The following EPS8L2 variants were observed in gnomAD, a reference collection of about 807,000 sequenced individuals.
EPS8L2 encodes the protein EPS8 signaling adaptor L2, also known as epidermal growth factor receptor kinase substrate 8-like protein 2.
In EPS8L2, 81 loss-of-function variants were observed where a neutral mutation model predicts 99.4. The ratio of observed to expected loss-of-function variants is 0.82; its 90% CI spans 0.68 to 0.98. The LOEUF is 0.98. EPS8L2 is among the 50% of genes least tolerant of loss of function. The pLI is 0.00. For missense variants in EPS8L2, 1,155 were observed against 968.8 expected, an observed-to-expected ratio of 1.19 and a Z score of -2.55; for synonymous variants, 509 against 407.3, an observed-to-expected ratio of 1.25 and a Z score of -3.01.
chr11:726,282 C>G, intron 18 of EPS8L2, 22 bp from the exon 19 acceptor site: 1 of 1,590,496 alleles, frequency 6.3e-7, no homozygotes. Context: ...CAGCGGCGGG[C>G]CTGAGTCGCG....
In EPS8L2 at chr11:725,836, C is replaced by A; in HGVS notation, c.1669C>A (p.Pro557Thr). 1 of 1,384,820 alleles carries A rather than the reference C, an allele frequency of 7.2e-7. No individual in the cohort carries two copies. The highest frequency in any genetic ancestry group is 9.3e-7 in the Non-Finnish European group (1 of 1,074,990). 85.8% of individuals were successfully genotyped at this position (1,384,820 alleles called of 1,614,324 possible). A position where few individuals can be genotyped will look rare whatever the true frequency, so the allele number is the denominator to read the frequency against. The stretch of plus-strand genomic sequence containing the variant: ...GGCGCGACCGGAGGACGCCGGCGCC[C>A]CGTTCGAGCAGGTGAGCCCGCGGGG... ...GEARPEDAGA[P>T]FEQAGQKYWG... Residue 557 changes from proline (P) to threonine (T), a missense_variant, in exon 17 of 21, where the codon CCG (proline) becomes ACG (threonine). Physicochemically the swap from Pro to Thr is conservative, Grantham distance 38. Coordinates refer to ENST00000318562, the MANE Select transcript of EPS8L2 (RefSeq NM_022772.4).
intron 18 of EPS8L2, 21 bp downstream of exon 18, chr11:726,191 G>A: frequency 6.2e-7 from 1 of 1,600,460 alleles, no homozygotes; most frequent in Non-Finnish European, 8.5e-7. Context: ...CTGCTTCGAG[G>A]CGGGGGTCCC....
rs118059658 is a variant in EPS8L2 at position 723,933 on chromosome 11, G to A, written c.1454+580G>A. 3.2e-4 allele frequency among the ~76,000 whole-genome samples: 49 copies of A among 152,310 alleles called. No homozygotes were observed. The East Asian group carries it at 8.5e-3, about 26-fold the overall frequency. ...CAGGATTCAATTTTGGGGTAAAGAGGGGCCAGCAATCCATCTTCTAAGCAA... is the reference window on the plus strand; with the variant it reads ...CAGGATTCAATTTTGGGGTAAAGAGAGGCCAGCAATCCATCTTCTAAGCAA... On this transcript the variant is annotated intron_variant, in intron 15 of 20. Transcript: ENST00000318562.
intron 3 of EPS8L2, chr11:709,989 G>A (rs1055672963): frequency 4.8e-5 from 19 of 394,106 alleles, no homozygotes; most frequent in African/African-American, 3.5e-4. Context: ...CTGCCCTCTC[G>A]CTAGCTAGAT....
rs556503660 is a variant in EPS8L2, at chr11:707,104, G to C, written c.-79+816G>C. Among the ~76,000 whole-genome samples the C allele has an allele frequency of 3.4e-3, 522 of 152,018 alleles. 8 individuals carry two copies. The highest frequency in any genetic ancestry group is 0.032 in the Admixed American group (482 of 15,288). On this transcript the variant is annotated intron_variant, in intron 1 of 20. Coordinates refer to ENST00000318562, the MANE Select transcript of EPS8L2 (RefSeq NM_022772.4). The stretch of plus-strand genomic sequence containing the variant: ...GTGCTGGGAGGCAGGCCCAGCTGGC[G>C]GCGGCCCCTCCCCTCGCGGCCCCTC...
Position 709,235 on chromosome 11 carries a change from C to T in EPS8L2, c.-78-95C>T, listed in dbSNP as rs115633871. ...GGCTCTGCCCCCCAAGGGACCCCCA[C>T]CCAGGCCAGGCCAGTCAGGGATCTG... On this transcript the variant is annotated intron_variant, in intron 1 of 20. Transcript: ENST00000318562. 108 of 788,150 alleles carry T rather than the reference C, an allele frequency of 1.4e-4. No homozygotes were observed. The African/African-American group carries it at 1.8e-3, about 13-fold the overall frequency. The allele number at this position is 788,150 out of a possible 1,614,324, so 48.8% of individuals were successfully genotyped here.
Position 726,764 on chromosome 11 carries a change from G to T in EPS8L2, c.2067+13G>T. On this transcript the variant is annotated intron_variant, in intron 20 of 20. Transcript: ENST00000318562. Reference sequence around the variant, plus strand: ...GGCCTTCCTGGAGGTGAGCCCGCCTGCGCTCCGGCGCCACGCCCCTCCTGC... The same window carrying T: ...GGCCTTCCTGGAGGTGAGCCCGCCTTCGCTCCGGCGCCACGCCCCTCCTGC... 1 of 1,584,686 alleles carries T rather than the reference G, an allele frequency of 6.3e-7. No individual in the cohort carries two copies. Among genetic ancestry groups the T allele is most frequent in the East Asian group, 2.3e-5 (1 of 43,872 alleles).
intron 5 of EPS8L2, 130 bp from the exon 6 acceptor site, chr11:720,467 C>T (rs1862126378): frequency 1.4e-6 from 2 of 1,430,440 alleles, no homozygotes; most frequent in Non-Finnish European, 1.9e-6. Flanking sequence ...GCCTAGTCCT[C>T]ATCTTTGGGA....
chr11:726,232 G>C (rs1384551521), intron 18 of EPS8L2, 62 bp downstream of exon 18: 16 of 1,460,140 alleles, frequency 1.1e-5, no homozygotes, highest in African/African-American at 4.3e-5. Flanking sequence ...GAGGAAGTGT[G>C]GGGGGGGTCC....
At chr11:725,935 G>A in intron 17 of EPS8L2, 88 bp downstream of exon 17, 5 of 1,374,710 alleles carry the variant, frequency 3.6e-6, no homozygotes, top group Non-Finnish European at 4.7e-6. Context: ...GGCCAGCCCC[G>A]CGGCTGGAGA....
chr11:709,646 G>C (rs766212648), intron 3 of EPS8L2, 38 bp downstream of exon 3: 1 of 1,605,348 alleles, frequency 6.2e-7, no homozygotes, highest in East Asian at 2.2e-5. Flanking sequence ...CGTCACAGGG[G>C]AGAAATGGGC....
intron 4 of EPS8L2, among the ~76,000 whole-genome samples, chr11:718,317 A>C (rs1266954361): frequency 6.6e-6 from 1 of 152,170 alleles, no homozygotes; most frequent in African/African-American, 2.4e-5. Flanking sequence ...TGGGGGACAG[A>C]GCGAGACTGT....
intron 4 of EPS8L2, 104 bp downstream of exon 4, chr11:710,590 A>C: frequency 8.7e-7 from 1 of 1,153,080 alleles, no homozygotes; most frequent in Non-Finnish European, 1.3e-6. Context: ...TTAGACGGGC[A>C]TGGTGGTGCC....
In EPS8L2 at chr11:721,686, C is replaced by G. The variant is rs1407939950; in HGVS notation, c.890C>G (p.Pro297Arg). The G allele has an allele frequency of 6.3e-7, 1 of 1,594,984 alleles. No homozygotes were observed. Among genetic ancestry groups the G allele is most frequent in the Admixed American group, 1.8e-5 (1 of 54,606 alleles). ...GGGAAGAAGAAGGGCAAGAAGGCGC[C>G]AGCAGGTGCAGGGGACAGGGACGGG... ...KKGKKKGKKA[P>R]AEGVLTLRAR... Residue 297 changes from proline to arginine, a missense_variant, in exon 10 of 21, where the codon CCA (proline) becomes CGA (arginine). Coordinates refer to ENST00000318562, the MANE Select transcript of EPS8L2 (RefSeq NM_022772.4).
In EPS8L2 at chr11:726,992, C is replaced by G. The variant is rs771679382; in HGVS notation, c.*11C>G. ...GGGGAGGACAGCTAGGCCCAGCTGC[C>G]TTGGGCTGGGGCCTGCGGAGGGGAA... is the stretch of plus-strand genomic sequence containing the variant. On this transcript the variant is annotated 3_prime_UTR_variant, in exon 21 of 21. Transcript: ENST00000318562. 5 of 1,603,564 alleles carry G rather than the reference C, an allele frequency of 3.1e-6. No homozygotes were observed. Among genetic ancestry groups the G allele is most frequent in the Non-Finnish European group, 4.3e-6 (5 of 1,171,640 alleles).
intron 14 of EPS8L2, 147 bp downstream of exon 14, chr11:722,952 C>T: frequency 1.9e-6 from 1 of 521,418 alleles, no homozygotes; most frequent in Non-Finnish European, 3.3e-6. Flanking sequence ...CCTCCCCAGC[C>T]CCGACACCCA....
intron 5 of EPS8L2, 144 bp downstream of exon 5, chr11:720,367 G>A: frequency 1.8e-6 from 2 of 1,138,752 alleles, no homozygotes; most frequent in Non-Finnish European, 2.5e-6. Context: ...GATGGGACAA[G>A]GGTGGGCAGA....
rs1256825303 is a variant in EPS8L2 at position 722,738 on chromosome 11, C to T, written c.1274C>T (p.Pro425Leu). 4 of 1,606,504 alleles carry T rather than the reference C, an allele frequency of 2.5e-6. No individual in the cohort carries two copies. The African/African-American group carries it at 5.4e-5, about 22-fold the overall frequency. ...YVPKFHSGWE[P>L]PVDVLQEAPW... is the part of the protein sequence containing the mutation. Reference sequence around the variant, plus strand: ...CCCAAGTTCCACAGCGGCTGGGAGCCTCCTGTGGATGTGCTGCAGGAGGCC... The same window carrying T: ...CCCAAGTTCCACAGCGGCTGGGAGCTTCCTGTGGATGTGCTGCAGGAGGCC... The change falls in exon 14 of 21, where the codon CCT becomes CTT. Residue 425 changes from proline to leucine, a missense_variant. Transcript: ENST00000318562.
chr11:709,717 G>A, intron 3 of EPS8L2, 109 bp downstream of exon 3: 1 of 1,326,214 alleles, frequency 7.5e-7, no homozygotes, highest in Non-Finnish European at 1.0e-6. Context: ...CTGGCCCAGG[G>A]GATCTCCGGG....
Sources: gnomAD v4.1 joint callset for allele counts (sites outside exome capture counted in the v4.1 genomes callset) on GRCh38, gnomAD v4.1.1 for gene constraint, MANE v1.5 for transcripts, NCBI Gene and HGNC (gene_info 2026-07-23, HGNC 2026-07-21) for gene names.